Variants in FGF14 observed in about 807,000 individuals in gnomAD.
FGF14 encodes the protein fibroblast growth factor 14, also known as fibroblast growth factor homologous factor 4.
A neutral mutation model predicts 25.5 loss-of-function variants in FGF14; 5 were observed. That is an observed-to-expected ratio of 0.20 (90% confidence interval 0.10 to 0.41). FGF14 has a LOEUF of 0.41. Ranked by LOEUF, FGF14 falls within the 10% of genes least tolerant of loss-of-function variation. The pLI, the probability that FGF14 is intolerant of heterozygous loss-of-function variation, is 1.00. For missense variants in FGF14, 222 were observed against 320.1 expected, an observed-to-expected ratio of 0.69 and a Z score of 2.34; for synonymous variants, 138 against 118.3, an observed-to-expected ratio of 1.17 and a Z score of -1.08.
At chr13:102,207,117 T>G (rs1032216911) in intron 1 of FGF14, among the ~76,000 whole-genome samples, 1 of 151,480 alleles carries the variant, frequency 6.6e-6, no homozygotes, top group South Asian at 2.1e-4. Flanking sequence ...CCATCTCTAC[T>G]AAAAATACAA....
At chr13:102,076,518 C>T (rs1322219764) in intron 1 of FGF14, among the ~76,000 whole-genome samples, 1 of 152,012 alleles carries the variant, frequency 6.6e-6, no homozygotes, top group African/African-American at 2.4e-5. Flanking sequence ...CAGAACATAT[C>T]CCCATTGTTA....
chr13:101,892,638 T>C (rs1342235396), intron 1 of FGF14, among the ~76,000 whole-genome samples: 2 of 152,126 alleles, frequency 1.3e-5, no homozygotes, highest in African/African-American at 4.8e-5. Flanking sequence ...TCCTAAAATC[T>C]CCAGGAACAA....
intron 1 of FGF14, among the ~76,000 whole-genome samples, chr13:102,068,674 T>C (rs2478052): frequency 0.58 from 87,966 of 152,078 alleles, 28,093 homozygotes; most frequent in African/African-American, 0.86. Context: ...ACCGGCGCTG[T>C]GCTCGATTTC....
chr13:101,716,720 G>C lies in FGF14; in HGVS notation c.*6111C>G, dbSNP rs1181547007. On this transcript the variant is annotated 3_prime_UTR_variant, in exon 5 of 5. Transcript: ENST00000376143. ...GATACCTTACTTACTGGAAACCTGGGGTCATGCAAAGAAGTCAAGACGAGA... is the reference window on the plus strand; with the variant it reads ...GATACCTTACTTACTGGAAACCTGGCGTCATGCAAAGAAGTCAAGACGAGA... 1 of 150,794 alleles carries C rather than the reference G, an allele frequency of 6.6e-6. No individual in the cohort carries two copies. Among genetic ancestry groups the C allele is most frequent in the Non-Finnish European group, 1.5e-5 (1 of 67,830 alleles). The allele number at this position is 150,794 out of a possible 1,614,324, so 9.3% of individuals were successfully genotyped here.
At chr13:102,026,735 C>T (rs775941262) in intron 1 of FGF14, among the ~76,000 whole-genome samples, 5 of 151,942 alleles carry the variant, frequency 3.3e-5, no homozygotes, top group Admixed American at 6.6e-5. Context: ...TAGAGCAGTA[C>T]ATATAAAGGT....
At chr13:102,350,818 T>C (rs1354194000) in intron 1 of FGF14, among the ~76,000 whole-genome samples, 2 of 152,240 alleles carry the variant, frequency 1.3e-5, no homozygotes, top group Non-Finnish European at 2.9e-5. Flanking sequence ...GCCATATTCA[T>C]ACAAGTTTCT....
At chr13:102,334,199 T>C (rs1437409731) in intron 1 of FGF14, among the ~76,000 whole-genome samples, 3 of 152,182 alleles carry the variant, frequency 2.0e-5, no homozygotes, top group African/African-American at 4.8e-5. Flanking sequence ...AAGTCATGGA[T>C]TGGGGCAGGC....
chr13:101,899,228 C>A (rs11839102), intron 1 of FGF14, among the ~76,000 whole-genome samples: 4,855 of 151,932 alleles, frequency 0.032, 278 homozygotes, highest in African/African-American at 0.11. Flanking sequence ...TCCTCAAAGA[C>A]GATAAAATCA....
intron 1 of FGF14, among the ~76,000 whole-genome samples, chr13:102,307,043 T>C (rs1214078896): frequency 6.6e-6 from 1 of 152,066 alleles, no homozygotes; most frequent in East Asian, 1.9e-4. Flanking sequence ...AGTTCAATCA[T>C]AGGAGGCCTT....
intron 3 of FGF14, among the ~76,000 whole-genome samples, chr13:101,730,088 C>T (rs2035709051): frequency 2.0e-5 from 3 of 152,102 alleles, no homozygotes; most frequent in Admixed American, 2.0e-4. Context: ...GTCTTGAAAA[C>T]TCTAATAAAC....
At chr13:102,195,797 A>G (rs1412355324) in intron 1 of FGF14, among the ~76,000 whole-genome samples, 2 of 151,844 alleles carry the variant, frequency 1.3e-5, no homozygotes, top group South Asian at 4.1e-4. Context: ...GTCTCAAAAA[A>G]AAAAAAAAAA....
At chr13:101,873,603 C>T (rs181826195) in intron 2 of FGF14, among the ~76,000 whole-genome samples, 5 of 152,000 alleles carry the variant, frequency 3.3e-5, no homozygotes, top group African/African-American at 4.8e-5. Flanking sequence ...AACAGTAACA[C>T]GTAAGAGAAA....
intron 1 of FGF14, among the ~76,000 whole-genome samples, chr13:101,901,672 C>A (rs1311129729): frequency 6.6e-6 from 1 of 152,106 alleles, no homozygotes; most frequent in African/African-American, 2.4e-5. Context: ...CCACTGCACT[C>A]CAGCCTGGGG....
At chr13:101,728,480 A>G (rs968888220) in intron 3 of FGF14, among the ~76,000 whole-genome samples, 2 of 152,160 alleles carry the variant, frequency 1.3e-5, no homozygotes, top group Non-Finnish European at 2.9e-5. Context: ...GTCAATGTCC[A>G]GGCCATGCGC....
chr13:101,890,345 A>C (rs2046204492), intron 1 of FGF14, among the ~76,000 whole-genome samples: 1 of 152,110 alleles, frequency 6.6e-6, no homozygotes, highest in Non-Finnish European at 1.5e-5. Flanking sequence ...CTTACCTGAA[A>C]AAAAAAACAC....
In FGF14 at chr13:101,924,300, GGATTAA is replaced by G. The variant is rs573247836; in HGVS notation, c.209-49010_209-49005del. Among the ~76,000 whole-genome samples the G allele has an allele frequency of 9.0e-4, 137 of 152,172 alleles. 1 individual carries two copies. Among genetic ancestry groups the G allele is most frequent in the African/African-American group, 3.0e-3 (126 of 41,544 alleles). On this transcript the variant is annotated intron_variant, in intron 1 of 4. Coordinates refer to the FGF14 transcript ENST00000376131. The stretch of plus-strand genomic sequence containing the variant: ...CACTTTCATAGGAAATAAGTGAGCT[GGATTAA>G]GATTATGTTCTTTGCATTTAGCATA...
intron 1 of FGF14, among the ~76,000 whole-genome samples, chr13:102,338,124 T>C (rs1038887031): frequency 2.0e-5 from 3 of 152,120 alleles, no homozygotes; most frequent in African/African-American, 7.2e-5. Flanking sequence ...TCAGATGACA[T>C]ATGCATACAA....
chr13:101,785,158 C>T (rs1217697212), intron 3 of FGF14, among the ~76,000 whole-genome samples: 1 of 151,982 alleles, frequency 6.6e-6, no homozygotes, highest in African/African-American at 2.4e-5. Context: ...ATAATGCATA[C>T]ATGGATGTGA....
At chr13:101,917,621 GC>G (rs918247351), upstream of FGF14, among the ~76,000 whole-genome samples, 3 of 151,542 alleles carry the variant, frequency 2.0e-5, no homozygotes, top group Non-Finnish European at 4.4e-5. Context: ...CAGCACCAAC[GC>G]CCCCCCGTCG....
Sources: gnomAD v4.1 joint callset for allele counts (sites outside exome capture counted in the v4.1 genomes callset) on GRCh38, gnomAD v4.1.1 for gene constraint, MANE v1.5 for transcripts, NCBI Gene and HGNC (gene_info 2026-07-23, HGNC 2026-07-21) for gene names.